The following SEC24D variants were observed in gnomAD, a reference collection of about 807,000 sequenced individuals.
SEC24D encodes protein transport protein Sec24D.
Under a neutral mutation model 116.9 loss-of-function variants are expected in SEC24D, and 69 were observed. That is an observed-to-expected ratio of 0.59 (90% CI 0.49 to 0.72). The LOEUF (loss-of-function observed/expected upper bound fraction) is 0.72, where lower values mean the gene tolerates loss of function less well. Among genes scored for constraint, SEC24D ranks in the 30% least tolerant of loss-of-function variants. The pLI is 0.00. For missense variants in SEC24D, 1,131 were observed against 1,264.1 expected, an observed-to-expected ratio of 0.89 and a Z score of 1.60; for synonymous variants, 405 against 442.8, an observed-to-expected ratio of 0.91 and a Z score of 1.07.
chr4:118,785,133 T>C (rs1728614237), intron 8 of SEC24D, among the ~76,000 whole-genome samples: 1 of 152,172 alleles, frequency 6.6e-6, no homozygotes, highest in Non-Finnish European at 1.5e-5. Context: ...TCAATTACTT[T>C]CTTATCTACT....
At position 118,738,284 on chromosome 4, in the gene SEC24D, C is replaced by A. The variant is rs756321391; in HGVS notation, c.2473G>T (p.Ala825Ser). 1.2e-6 allele frequency: 2 copies of A among 1,613,160 alleles called. No individual in the cohort carries two copies. Among genetic ancestry groups the A allele is most frequent in the East Asian group, 4.5e-5 (2 of 44,854 alleles). ...HMLACYRKNC[A>S]SPSAASQLIL... is the part of the protein sequence containing the mutation. ...ACCTGGCTTGCTGCAGAAGGACTTG[C>A]ACAATTCTTCCGGTAACATGCCAAC... is the stretch of plus-strand genomic sequence containing the variant. Residue 825 changes from alanine to serine, a missense_variant, in exon 19 of 23, where the codon GCA (alanine) becomes TCA (serine). Physicochemically the swap from Ala to Ser is moderately conservative, Grantham distance 99. Coordinates refer to ENST00000280551, the MANE Select transcript of SEC24D (RefSeq NM_014822.4).
intron 3 of SEC24D, among the ~76,000 whole-genome samples, chr4:118,823,072 C>A (rs989825255): frequency 1.3e-5 from 2 of 152,152 alleles, no homozygotes; most frequent in African/African-American, 4.8e-5. Flanking sequence ...AGGAACTTCA[C>A]CAGTGTCCAC....
chr4:118,792,271 G>T (rs1279983239), intron 8 of SEC24D, among the ~76,000 whole-genome samples: 1 of 150,310 alleles, frequency 6.7e-6, no homozygotes, highest in African/African-American at 2.4e-5. Flanking sequence ...TCCGGGAGGT[G>T]GGGGGCAGCC....
At chr4:118,787,591 C>A (rs1560697756) in intron 8 of SEC24D, among the ~76,000 whole-genome samples, 1 of 152,090 alleles carries the variant, frequency 6.6e-6, no homozygotes, top group Non-Finnish European at 1.5e-5. Context: ...GGCAGGTGGA[C>A]TGCTTGAGCT....
At position 118,739,285 on chromosome 4, in the gene SEC24D, A is replaced by G; in HGVS notation, c.2241T>C (p.Cys747=). The change falls in exon 18 of 23, where the codon TGT becomes TGC. Residue 747 remains cysteine, a splice_region_variant and synonymous_variant. Coordinates refer to ENST00000280551, the MANE Select transcript of SEC24D (RefSeq NM_014822.4). ...LSEDSGALIQ[C]AVLYTTISGQ... The stretch of plus-strand genomic sequence containing the variant: ...CACTGATTGTCGTGTAAAGCACAGC[A>G]CACTGTAGAAGCAACATTGAGGTCA... 1 of 1,612,376 alleles carries G rather than the reference A, an allele frequency of 6.2e-7. No homozygotes were observed. Among genetic ancestry groups the G allele is most frequent in the Non-Finnish European group, 8.5e-7 (1 of 1,179,110 alleles).
At chr4:118,727,740 G>A (rs1252364531) in intron 22 of SEC24D, among the ~76,000 whole-genome samples, 1 of 152,030 alleles carries the variant, frequency 6.6e-6, no homozygotes, top group African/African-American at 2.4e-5. Flanking sequence ...CATAGGTGCT[G>A]TGTGGTGTGA....
chr4:118,823,389 T>C (rs983176197), intron 3 of SEC24D, among the ~76,000 whole-genome samples: 4 of 151,618 alleles, frequency 2.6e-5, no homozygotes, highest in African/African-American at 2.4e-5. Context: ...CCAGAGGGAG[T>C]TTTCCTATTA....
At chr4:118,729,274 G>A (rs1319980657) in intron 21 of SEC24D, 1 of 151,944 alleles carries the variant, frequency 6.6e-6, no homozygotes, top group Non-Finnish European at 1.5e-5. Flanking sequence ...ATCTAGAGAT[G>A]ATTTAAAATA....
In SEC24D at chr4:118,833,602, G is replaced by A. The variant is rs753308105; in HGVS notation, c.95C>T (p.Pro32Leu). Reference sequence around the variant, plus strand: ...ACCTGTTGGAGATGCTGTGTGCGACGGATCCCCATAGTGCCCATAATGAGG... The same window carrying A: ...ACCTGTTGGAGATGCTGTGTGCGACAGATCCCCATAGTGCCCATAATGAGG... ...SPPHYGHYGD[P>L]SHTASPTGMM... is the part of the protein sequence containing the mutation. The change falls in exon 2 of 23, where the codon CCG becomes CTG. Residue 32 changes from proline (P) to leucine (L), a missense_variant. Coordinates refer to ENST00000280551, the MANE Select transcript of SEC24D (RefSeq NM_014822.4). 7.4e-6 allele frequency: 12 copies of A among 1,613,086 alleles called. No individual in the cohort carries two copies. The highest frequency in any genetic ancestry group is 3.3e-5 in the Admixed American group (2 of 59,946).
Position 118,731,481 on chromosome 4 carries a change from C to G in SEC24D, c.2703G>C (p.Met901Ile). ...PIHTLDVKSTMLPAAVRCSES... is the reference protein window; with the variant it reads ...PIHTLDVKSTILPAAVRCSES... ...CAGAGCAACGAACGGCAGCAGGTAA[C>G]ATTGTACTCTTGACATCTAACGTGT... The change falls in exon 21 of 23, where the codon ATG becomes ATC. Residue 901 changes from methionine (M) to isoleucine (I), a missense_variant. By Grantham distance (10) the Met-to-Ile change is conservative. Transcript: ENST00000280551. 1 of 1,614,098 alleles carries G rather than the reference C, an allele frequency of 6.2e-7. No individual in the cohort carries two copies. The highest frequency in any genetic ancestry group is 8.5e-7 in the Non-Finnish European group (1 of 1,179,972).
intron 22 of SEC24D, among the ~76,000 whole-genome samples, chr4:118,724,543 A>G (rs1725311591): frequency 1.3e-5 from 2 of 152,226 alleles, no homozygotes; most frequent in Admixed American, 6.5e-5. Context: ...TTTTAGATAT[A>G]CTGGGTTAAA....
chr4:118,788,424 G>T (rs1728747705), intron 8 of SEC24D, among the ~76,000 whole-genome samples: 1 of 152,202 alleles, frequency 6.6e-6, no homozygotes, highest in Non-Finnish European at 1.5e-5. Context: ...CTAATCCAGT[G>T]TTCCACCATT....
At chr4:118,735,668 G>C (rs1399160067) in intron 19 of SEC24D, 1 of 149,922 alleles carries the variant, frequency 6.7e-6, no homozygotes, top group Non-Finnish European at 1.5e-5. Flanking sequence ...GCTTATGTAA[G>C]CCTTATAAGC....
chr4:118,819,558 T>C (rs1038687898), intron 3 of SEC24D, among the ~76,000 whole-genome samples: 2 of 149,652 alleles, frequency 1.3e-5, no homozygotes, highest in African/African-American at 4.9e-5. Context: ...AAAAAAAGTT[T>C]GTCATAGGGA....
chr4:118,832,447 G>A (rs1430103229), intron 2 of SEC24D, among the ~76,000 whole-genome samples: 1 of 152,176 alleles, frequency 6.6e-6, no homozygotes, highest in Non-Finnish European at 1.5e-5. Context: ...AGCCATGGAG[G>A]GAAGGAGAGG....
chr4:118,733,120 G>T (rs1054144638), intron 19 of SEC24D: 10 of 485,800 alleles, frequency 2.1e-5, no homozygotes, highest in Non-Finnish European at 3.3e-5. Context: ...TTTATCTAGT[G>T]CTACAGCAGT....
chr4:118,759,356 C>G (rs1727257982), intron 10 of SEC24D, among the ~76,000 whole-genome samples: 2 of 152,132 alleles, frequency 1.3e-5, no homozygotes, highest in Non-Finnish European at 2.9e-5. Context: ...TTCGGCCCAT[C>G]CCTACTCTTA....
chr4:118,801,416 G>A (rs541426140), intron 7 of SEC24D, among the ~76,000 whole-genome samples: 1 of 152,216 alleles, frequency 6.6e-6, no homozygotes, highest in South Asian at 2.1e-4. Flanking sequence ...GCCCAGGTAA[G>A]CAGTAACAGA....
intron 9 of SEC24D, among the ~76,000 whole-genome samples, chr4:118,767,509 G>A (rs1368022982): frequency 6.6e-6 from 1 of 152,156 alleles, no homozygotes; most frequent in Non-Finnish European, 1.5e-5. Flanking sequence ...AATGTTCTCA[G>A]CCTCAGTATG....
Sources: gnomAD v4.1 joint callset for allele counts (sites outside exome capture counted in the v4.1 genomes callset) on GRCh38, gnomAD v4.1.1 for gene constraint, MANE v1.5 for transcripts, NCBI Gene and HGNC (gene_info 2026-07-23, HGNC 2026-07-21) for gene names.